Variants in FREM1 observed in about 807,000 individuals in gnomAD.
FREM1 encodes FRAS1-related extracellular matrix protein 1.
FREM1 carries 220 observed loss-of-function variants against 210.1 expected under a neutral mutation model. The observed-to-expected ratio is 1.05, with a 90% CI of 0.94 to 1.17. The LOEUF (loss-of-function observed/expected upper bound fraction) is 1.17, where lower values mean the gene tolerates loss of function less well. FREM1 is among the 50% of genes most tolerant of loss of function. FREM1 has a pLI of 0.00. For missense variants in FREM1, 3,454 were observed against 2,675.5 expected (o/e 1.29, Z -6.42); for synonymous variants, 1,189 against 980.2 (o/e 1.21, Z -3.98).
At chr9:14,772,475 G>A (rs1587859696) in intron 25 of FREM1, among the ~76,000 whole-genome samples, 1 of 152,116 alleles carries the variant, frequency 6.6e-6, no homozygotes, top group Non-Finnish European at 1.5e-5. Context: ...ATAAAAAATA[G>A]TATATATAAT....
intron 20 of FREM1, among the ~76,000 whole-genome samples, chr9:14,797,982 C>A (rs1852759823): frequency 6.6e-6 from 1 of 152,050 alleles, no homozygotes; most frequent in African/African-American, 2.4e-5. Flanking sequence ...TATATCCCTA[C>A]CTCGAGCCAA....
At chr9:14,886,384 C>CAAAAAAAAA (rs60702421) in intron 1 of FREM1, among the ~76,000 whole-genome samples, 2 of 59,810 alleles carry the variant, frequency 3.3e-5, no homozygotes, top group Non-Finnish European at 2.8e-5. Flanking sequence ...GACTCCGACT[C>CAAAAAAAAA]AAAAAAAAAA....
chr9:14,860,864 C>CGTATATATACAT (rs1248329492), intron 3 of FREM1, among the ~76,000 whole-genome samples: 1 of 49,850 alleles, frequency 2.0e-5, no homozygotes, highest in African/African-American at 2.0e-4. Flanking sequence ...TATATATACA[C>CGTATATATACAT]ATATATATAC....
At chr9:14,809,839 A>G (rs1340609317) in intron 16 of FREM1, among the ~76,000 whole-genome samples, 2 of 152,118 alleles carry the variant, frequency 1.3e-5, no homozygotes, top group African/African-American at 4.8e-5. Flanking sequence ...GATACTGTCT[A>G]ATGGTAGAGA....
intron 10 of FREM1, among the ~76,000 whole-genome samples, chr9:14,839,971 A>C (rs944083627): frequency 6.6e-6 from 1 of 152,240 alleles, no homozygotes; most frequent in Non-Finnish European, 1.5e-5. Context: ...TTATTTGAAA[A>C]GGAATTGACC....
intron 27 of FREM1, among the ~76,000 whole-genome samples, chr9:14,760,844 T>C (rs1304177561): frequency 6.6e-6 from 1 of 152,192 alleles, no homozygotes; most frequent in Non-Finnish European, 1.5e-5. Flanking sequence ...ATTTTCCTTT[T>C]TGAGGTCTTG....
intron 3 of FREM1, among the ~76,000 whole-genome samples, chr9:14,862,547 T>C (rs1325969448): frequency 2.0e-5 from 3 of 152,234 alleles, no homozygotes; most frequent in Non-Finnish European, 2.9e-5. Context: ...TTTAAAAATA[T>C]ACAACTCAGA....
chr9:14,883,095 G>A (rs1038555725), intron 1 of FREM1, among the ~76,000 whole-genome samples: 3 of 151,958 alleles, frequency 2.0e-5, no homozygotes, highest in African/African-American at 7.3e-5. Flanking sequence ...AGAAGGAATT[G>A]GGCCTGGATG....
intron 19 of FREM1, among the ~76,000 whole-genome samples, chr9:14,803,230 CT>C (rs1817648705): frequency 1.5e-5 from 2 of 130,050 alleles, no homozygotes; most frequent in African/African-American, 5.4e-5. Flanking sequence ...CTTTCTCTTT[CT>C]TTCTCTCTCC....
At chr9:14,890,637 TC>T (rs1263645621) in intron 1 of FREM1, among the ~76,000 whole-genome samples, 1 of 152,154 alleles carries the variant, frequency 6.6e-6, no homozygotes, top group Non-Finnish European at 1.5e-5. Flanking sequence ...CCAGAGGGTA[TC>T]TAAAACATTT....
intron 1 of FREM1, among the ~76,000 whole-genome samples, chr9:14,900,687 G>A (rs910478179): frequency 1.8e-4 from 28 of 152,284 alleles, no homozygotes; most frequent in Non-Finnish European, 3.8e-4. Flanking sequence ...ATGAGCAAAC[G>A]TTTCATTGGC....
intron 1 of FREM1, among the ~76,000 whole-genome samples, chr9:14,882,359 C>G (rs192310871): frequency 6.6e-6 from 1 of 152,146 alleles, no homozygotes; most frequent in East Asian, 1.9e-4. Flanking sequence ...GAGGAGATAT[C>G]TATTCTTATG....
Position 14,775,872 on chromosome 9 carries a change from T to G in FREM1, c.4774A>C (p.Thr1592Pro). Residue 1592 changes from threonine to proline, a missense_variant, in exon 25 of 37, where the codon ACT becomes CCT. Coordinates refer to ENST00000380880, the MANE Select transcript of FREM1 (RefSeq NM_001379081.2). ...SGGDSQTDCF[T>P]FMATDGTNQG... The stretch of plus-strand genomic sequence containing the variant: ...TTTGTCCCATCTGTGGCCATGAAAG[T>G]AAAGCAGTCAGTCTGGGAGTCCCCT... 1 of 1,613,944 alleles carries G rather than the reference T, an allele frequency of 6.2e-7. No individual in the cohort carries two copies. The highest frequency in any genetic ancestry group is 8.5e-7 in the Non-Finnish European group (1 of 1,179,816).
rs993649056 is a variant in FREM1 at position 14,779,060 on chromosome 9, GT to G, written c.4443-2858del. On this transcript the variant is annotated intron_variant, in intron 24 of 36. Transcript: ENST00000380880. ...AACAGAGTTATGCCTTTATTCTATT[GT>G]TTTTCTGTTACTTTTTCATATTCCC... 2.4e-4 allele frequency among the ~76,000 whole-genome samples: 37 copies of G among 152,120 alleles called. 1 individual carries two copies. Among genetic ancestry groups the G allele is most frequent in the Admixed American group, 1.4e-3 (22 of 15,296 alleles).
chr9:14,894,365 G>C (rs1035255955), intron 1 of FREM1, among the ~76,000 whole-genome samples: 3 of 152,130 alleles, frequency 2.0e-5, no homozygotes, highest in Non-Finnish European at 4.4e-5. Context: ...CTGCCCTAAG[G>C]CATTTTATCA....
At chr9:14,904,581 G>A (rs1031318362) in intron 1 of FREM1, among the ~76,000 whole-genome samples, 2 of 152,076 alleles carry the variant, frequency 1.3e-5, no homozygotes, top group Non-Finnish European at 2.9e-5. Context: ...GAAGGGGAGT[G>A]ACTTGATGGT....
intron 1 of FREM1, among the ~76,000 whole-genome samples, chr9:14,900,308 C>T (rs1253574896): frequency 6.6e-6 from 1 of 152,226 alleles, no homozygotes; most frequent in Non-Finnish European, 1.5e-5. Flanking sequence ...TTCTAATGAG[C>T]AACCAGGATG....
At chr9:14,897,869 T>C (rs540442984) in intron 1 of FREM1, among the ~76,000 whole-genome samples, 4 of 152,322 alleles carry the variant, frequency 2.6e-5, no homozygotes, top group South Asian at 2.1e-4. Context: ...GCTGGGATTA[T>C]AGGCATGAGC....
At chr9:14,778,946 T>G (rs1000487029) in intron 24 of FREM1, among the ~76,000 whole-genome samples, 2 of 152,172 alleles carry the variant, frequency 1.3e-5, no homozygotes, top group Admixed American at 1.3e-4. Flanking sequence ...CTTCAAACTT[T>G]TTACTTAGTC....
Sources: allele counts gnomAD v4.1 joint callset (sites outside exome capture counted in the v4.1 genomes callset), GRCh38; gene constraint gnomAD v4.1.1; transcripts MANE v1.5; gene names NCBI Gene and HGNC (gene_info 2026-07-23, HGNC 2026-07-21).